The following PCDH9 variants were observed in gnomAD, a reference collection of about 807,000 sequenced individuals.
The protein encoded by PCDH9 is protocadherin 9.
In PCDH9, 24 loss-of-function variants were observed where a neutral mutation model predicts 70.6. That is an observed-to-expected ratio of 0.34 (90% confidence interval 0.25 to 0.48). PCDH9 has a LOEUF of 0.48. Ranked by LOEUF, PCDH9 falls within the 20% of genes least tolerant of loss-of-function variation. PCDH9 has a pLI of 0.99. For synonymous variants in PCDH9, 562 were observed against 558.5 expected, an observed-to-expected ratio of 1.01 and a Z score of -0.09; for missense variants, 1,281 against 1,503.6, an observed-to-expected ratio of 0.85 and a Z score of 2.45.
chr13:66,558,422 C>T (rs1170950174), intron 4 of PCDH9, among the ~76,000 whole-genome samples: 4 of 151,864 alleles, frequency 2.6e-5, no homozygotes, highest in Non-Finnish European at 5.9e-5. Flanking sequence ...GGTCATAGTG[C>T]ATTTGGCTCC....
intron 4 of PCDH9, among the ~76,000 whole-genome samples, chr13:66,563,396 T>A (rs565853155): frequency 6.6e-6 from 1 of 152,286 alleles, no homozygotes; most frequent in Non-Finnish European, 1.5e-5. Context: ...ATCACTTGAT[T>A]GCTACTACTT....
chr13:66,828,073 CT>C (rs1226547595), intron 3 of PCDH9, among the ~76,000 whole-genome samples: 4 of 151,968 alleles, frequency 2.6e-5, no homozygotes, highest in Non-Finnish European at 4.4e-5. Context: ...TAAATTCAAA[CT>C]GACATGTGAA....
chr13:66,733,999 G>C (rs2079111000), intron 3 of PCDH9, among the ~76,000 whole-genome samples: 2 of 152,110 alleles, frequency 1.3e-5, no homozygotes, highest in Non-Finnish European at 2.9e-5. Flanking sequence ...ATACCCAATA[G>C]AGTATTTTTG....
intron 2 of PCDH9, among the ~76,000 whole-genome samples, chr13:67,028,798 T>C (rs1056230477): frequency 1.3e-5 from 2 of 152,146 alleles, no homozygotes; most frequent in Admixed American, 1.3e-4. Flanking sequence ...CACTTTAGAA[T>C]AAATGAAACC....
chr13:66,999,234 A>G (rs1278388403), intron 2 of PCDH9, among the ~76,000 whole-genome samples: 1 of 152,212 alleles, frequency 6.6e-6, no homozygotes, highest in Non-Finnish European at 1.5e-5. Flanking sequence ...TTCAATTAAT[A>G]CAGCCTGAAA....
At chr13:67,050,836 C>T (rs527486016) in intron 2 of PCDH9, among the ~76,000 whole-genome samples, 1 of 152,252 alleles carries the variant, frequency 6.6e-6, no homozygotes, top group South Asian at 2.1e-4. Context: ...CTCAGATTTC[C>T]ATATTTCATA....
intron 2 of PCDH9, among the ~76,000 whole-genome samples, chr13:67,080,768 A>C (rs1483910207): frequency 6.6e-6 from 1 of 152,242 alleles, no homozygotes; most frequent in Non-Finnish European, 1.5e-5. Flanking sequence ...AGATGGCAGC[A>C]AACAAATACA....
At chr13:67,047,547 T>C (rs113835361) in intron 2 of PCDH9, among the ~76,000 whole-genome samples, 2 of 152,290 alleles carry the variant, frequency 1.3e-5, no homozygotes, top group African/African-American at 4.8e-5. Flanking sequence ...GTTTTATTTC[T>C]TTCCCCCACT....
chr13:66,486,874 T>C (rs1203482835), intron 4 of PCDH9, among the ~76,000 whole-genome samples: 1 of 152,166 alleles, frequency 6.6e-6, no homozygotes, highest in Admixed American at 6.6e-5. Context: ...AAGCTTGTAG[T>C]GTATCACTGG....
chr13:66,304,817 T>A lies in PCDH9; in HGVS notation c.3552A>T (p.Lys1184Asn), dbSNP rs1316969588. The A allele has an allele frequency of 6.2e-7, 1 of 1,613,576 alleles. No homozygotes were observed. Among genetic ancestry groups the A allele is most frequent in the Admixed American group, 1.7e-5 (1 of 59,870 alleles). Reference protein sequence around the residue: ...VNGHTLTRAWKEDSNRNQFND... With the variant: ...VNGHTLTRAWNEDSNRNQFND... ...TGAACTGGTTCCTGTTGCTGTCTTC[T>A]TTCCAGGCTCTGGTCAGGGTGTGCC... Residue 1184 changes from lysine (K) to asparagine (N), a missense_variant, in exon 5 of 5, where the codon AAA (lysine) becomes AAT (asparagine). Physicochemically the swap from Lys to Asn is moderately conservative, Grantham distance 94. Coordinates refer to ENST00000377865, the MANE Select transcript of PCDH9 (RefSeq NM_203487.3).
intron 4 of PCDH9, among the ~76,000 whole-genome samples, chr13:66,466,289 C>A (rs1051371053): frequency 2.0e-5 from 3 of 150,940 alleles, no homozygotes; most frequent in Non-Finnish European, 3.0e-5. Context: ...ACTATGAATT[C>A]TAATTCAACA....
chr13:66,739,987 G>T lies in PCDH9; in HGVS notation c.3139-108576C>A, dbSNP rs374184123. On this transcript the variant is annotated intron_variant, in intron 3 of 4. Coordinates refer to ENST00000377865, the MANE Select transcript of PCDH9 (RefSeq NM_203487.3). ...AATTGAATTCAGCTCTGCACCAAGC[G>T]GACCTAATAGACATCTACAGAACTC... Among the ~76,000 whole-genome samples the T allele has an allele frequency of 4.6e-5, 7 of 151,524 alleles. No homozygotes were observed. The East Asian group carries it at 9.8e-4, about 21-fold the overall frequency.
At chr13:66,425,236 G>C (rs972991387) in intron 4 of PCDH9, among the ~76,000 whole-genome samples, 3 of 151,596 alleles carry the variant, frequency 2.0e-5, no homozygotes, top group Admixed American at 1.3e-4. Context: ...CTTTGTGAAA[G>C]ACATTACAGG....
At chr13:66,622,655 T>C (rs1353493711) in intron 4 of PCDH9, among the ~76,000 whole-genome samples, 1 of 152,156 alleles carries the variant, frequency 6.6e-6, no homozygotes, top group Non-Finnish European at 1.5e-5. Flanking sequence ...AACCTTTGTG[T>C]GTAGCTCAGG....
chr13:66,672,006 C>G (rs2078181677), intron 3 of PCDH9, among the ~76,000 whole-genome samples: 1 of 152,138 alleles, frequency 6.6e-6, no homozygotes, highest in Admixed American at 6.5e-5. Context: ...TTCACAGCAA[C>G]CCTTCCCATC....
At chr13:66,638,428 A>G (rs1052660815) in intron 3 of PCDH9, among the ~76,000 whole-genome samples, 1 of 152,242 alleles carries the variant, frequency 6.6e-6, no homozygotes, top group Admixed American at 6.5e-5. Flanking sequence ...AACAATCTGC[A>G]GATCTGTTGC....
chr13:66,912,889 C>T (rs2139623630), intron 2 of PCDH9, among the ~76,000 whole-genome samples: 2 of 152,012 alleles, frequency 1.3e-5, no homozygotes, highest in Middle Eastern at 3.4e-3. Context: ...GTTTTAAAAG[C>T]CTAAATTGAA....
intron 3 of PCDH9, among the ~76,000 whole-genome samples, chr13:66,758,530 G>A (rs1362589812): frequency 1.3e-5 from 2 of 151,814 alleles, no homozygotes; most frequent in African/African-American, 4.8e-5. Context: ...CTATTCAATA[G>A]AACATGATAA....
intron 2 of PCDH9, among the ~76,000 whole-genome samples, chr13:67,010,272 C>T (rs954788896): frequency 3.9e-5 from 6 of 151,910 alleles, no homozygotes; most frequent in African/African-American, 1.4e-4. Context: ...GTATAGAACA[C>T]GGATTCAAAC....
Sources: gnomAD v4.1 joint callset for allele counts (sites outside exome capture counted in the v4.1 genomes callset) on GRCh38, gnomAD v4.1.1 for gene constraint, MANE v1.5 for transcripts, NCBI Gene and HGNC (gene_info 2026-07-23, HGNC 2026-07-21) for gene names.